SSUH2: variants seen among roughly 807,000 people sequenced by gnomAD.
SSUH2 encodes protein SSUH2 homolog.
SSUH2 carries 47 observed loss-of-function variants against 55.3 expected under a neutral mutation model. That is an observed-to-expected ratio of 0.85 (90% CI 0.67 to 1.08). The LOEUF is 1.08. Among genes scored for constraint, SSUH2 ranks in the 50% least tolerant of loss-of-function variants. SSUH2 has a pLI of 0.00. For missense variants in SSUH2, 535 were observed against 490.7 expected (o/e 1.09, Z -0.85); for synonymous variants, 212 against 191.5 (o/e 1.11, Z -0.89).
intron 5 of SSUH2, among the ~76,000 whole-genome samples, chr3:8,669,593 G>A (rs927033780): frequency 2.6e-5 from 4 of 152,182 alleles, no homozygotes; most frequent in African/African-American, 9.7e-5. Flanking sequence ...AACTTTGAGT[G>A]GGGAAAGCAG....
At chr3:8,640,068 G>A in intron 1 of SSUH2, 1 of 889,284 alleles carries the variant, frequency 1.1e-6, no homozygotes, top group Non-Finnish European at 1.3e-6. Context: ...GGTTGACAGG[G>A]GCTGTGGGGA....
chr3:8,619,917 T>C lies in SSUH2; in HGVS notation c.1079A>G (p.Tyr360Cys). Residue 360 changes from tyrosine to cysteine, a missense_variant, in exon 12 of 12, where the codon TAT becomes TGT. Physicochemically the swap from Tyr to Cys is radical, Grantham distance 194 (BLOSUM62 -2). Coordinates refer to ENST00000544814, the MANE Select transcript of SSUH2 (RefSeq NM_001256748.3). ...ATACCGCTCAGGATAGTCCACCGCA[T>C]ACACCTGGTGGTCAGTGCCATAGAT... ...YYIYGTDHQV[Y>C]AVDYPERYCC... 1.2e-6 allele frequency: 2 copies of C among 1,614,218 alleles called. No homozygotes were observed. Among genetic ancestry groups the C allele is most frequent in the Non-Finnish European group, 1.7e-6 (2 of 1,180,028 alleles).
Position 8,635,287 on chromosome 3 carries a change from A to C in SSUH2, c.209+13T>G, listed in dbSNP as rs1375265454. ...GAAATGCACACAGTCACAGAGTACA[A>C]CCTGAAACTCACCTGTGTTCCAGGA... is the stretch of plus-strand genomic sequence containing the variant. On this transcript the variant is annotated intron_variant, in intron 3 of 11. Transcript: ENST00000544814. 5.9e-6 allele frequency: 9 copies of C among 1,532,358 alleles called. No homozygotes were observed. The highest frequency in any genetic ancestry group is 2.0e-5 in the Admixed American group (1 of 50,802). The allele number at this position is 1,532,358 out of a possible 1,614,324, so 94.9% of individuals were successfully genotyped here.
At chr3:8,670,541 G>A (rs164954) in intron 5 of SSUH2, among the ~76,000 whole-genome samples, 65,903 of 151,694 alleles carry the variant, frequency 0.43, 15,754 homozygotes, top group African/African-American at 0.65. Context: ...CGTTGAATAC[G>A]TATGTCATAC....
Position 8,635,219 on chromosome 3 carries a change from G to A in SSUH2, c.209+81C>T, listed in dbSNP as rs990754283. ...GACGGCCCCCTCCAGGGATCCTGATGCACTGCCAGGGCTGAGATCCTCAAG... is the reference window on the plus strand; with the variant it reads ...GACGGCCCCCTCCAGGGATCCTGATACACTGCCAGGGCTGAGATCCTCAAG... On this transcript the variant is annotated intron_variant, in intron 3 of 11. Transcript: ENST00000544814. The A allele has an allele frequency of 7.4e-6, 9 of 1,219,030 alleles. No homozygotes were observed. The African/African-American group carries it at 1.4e-4, about 18-fold the overall frequency. The allele number at this position is 1,219,030 out of a possible 1,614,324, so 75.5% of individuals were successfully genotyped here.
At chr3:8,632,428 C>T (rs1484983125) in intron 4 of SSUH2, among the ~76,000 whole-genome samples, 1 of 152,230 alleles carries the variant, frequency 6.6e-6, no homozygotes, top group Non-Finnish European at 1.5e-5. Flanking sequence ...ATGGAGGTCC[C>T]TGGAATCTAT....
chr3:8,623,679 C>G, intron 10 of SSUH2, 23 bp from the exon 11 acceptor site: 2 of 1,297,882 alleles, frequency 1.5e-6, no homozygotes, highest in Non-Finnish European at 2.1e-6. Context: ...GAGAGAGACA[C>G]AGACCACCTG....
chr3:8,667,314 C>T (rs1189713680), intron 5 of SSUH2, among the ~76,000 whole-genome samples: 1 of 152,168 alleles, frequency 6.6e-6, no homozygotes, highest in African/African-American at 2.4e-5. Context: ...CATTCATAAA[C>T]TGTCATGGTG....
intron 11 of SSUH2, among the ~76,000 whole-genome samples, chr3:8,622,821 C>T (rs115185210): frequency 6.6e-6 from 1 of 152,106 alleles, no homozygotes; most frequent in Non-Finnish European, 1.5e-5. Context: ...GCTGCAAAAC[C>T]CTCTGAGGTG....
intron 7 of SSUH2, chr3:8,629,412 G>A: frequency 1.8e-6 from 1 of 548,806 alleles, no homozygotes; most frequent in Non-Finnish European, 3.2e-6. Flanking sequence ...TTCAGTGTAT[G>A]TTGGTAGATG....
Position 8,630,788 on chromosome 3 carries a change from C to T in SSUH2, c.525+17G>A, listed in dbSNP as rs770359388. The T allele has an allele frequency of 2.2e-6, 3 of 1,363,520 alleles. No homozygotes were observed. The highest frequency in any genetic ancestry group is 1.5e-5 in the African/African-American group (1 of 67,022). The allele number at this position is 1,363,520 out of a possible 1,614,324, so 84.5% of individuals were successfully genotyped here. ...GGAGAAGGGCAAGTATTCCAGTAAT[C>T]GCGTTAATCGTATTACCTTGACCAG... On this transcript the variant is annotated intron_variant, in intron 6 of 11. Transcript: ENST00000544814.
At chr3:8,679,652 TC>T (rs1040836362) in intron 2 of SSUH2, 18 of 199,920 alleles carry the variant, frequency 9.0e-5, no homozygotes, top group South Asian at 2.0e-4. Flanking sequence ...CAGTGCCTCT[TC>T]CCCCCCTGGC....
intron 5 of SSUH2, among the ~76,000 whole-genome samples, chr3:8,665,351 T>C (rs928797081): frequency 2.0e-5 from 3 of 152,072 alleles, no homozygotes; most frequent in African/African-American, 7.2e-5. Flanking sequence ...GGACCCTCGG[T>C]CATCTTTTAA....
rs1269170222 is a variant in SSUH2 at position 8,681,669 on chromosome 3, T to C, written c.-1046+222A>G. On this transcript the variant is annotated intron_variant, in intron 1 of 18. Transcript: ENST00000317371. ...CCCCCCGTGCGATGGGGACTGAAAG[T>C]CAGCCCCTCTTCCCCCCGGCTCTTA... is the stretch of plus-strand genomic sequence containing the variant. Among the ~76,000 whole-genome samples the C allele has an allele frequency of 4.7e-4, 62 of 130,732 alleles. 2 individuals are homozygous for C. Among genetic ancestry groups the C allele is most frequent in the Middle Eastern group, 0.011 (2 of 180 alleles). 85.8% of individuals were successfully genotyped at this position (130,732 alleles called of 152,430 possible).
chr3:8,641,596 G>A (rs951331514), intron 1 of SSUH2, among the ~76,000 whole-genome samples: 11 of 152,160 alleles, frequency 7.2e-5, no homozygotes, highest in East Asian at 1.9e-4. Context: ...AGGGGCTACC[G>A]GAACCACTAT....
chr3:8,657,002 T>C (rs1347181238), intron 7 of SSUH2, among the ~76,000 whole-genome samples: 1 of 152,184 alleles, frequency 6.6e-6, no homozygotes, highest in African/African-American at 2.4e-5. Flanking sequence ...TGCCTCAGCC[T>C]CCTGAGTAGC....
At chr3:8,636,579 G>A (rs1699961720) in intron 1 of SSUH2, among the ~76,000 whole-genome samples, 1 of 151,996 alleles carries the variant, frequency 6.6e-6, no homozygotes. Context: ...TTGTTATGCA[G>A]CTTCCTCCAG....
In SSUH2 at chr3:8,644,721, C is replaced by T; in HGVS notation, c.28+10G>A. On this transcript the variant is annotated intron_variant, in intron 1 of 11. Transcript: ENST00000544814. ...ACAGTCTTCCGTGCCATCTTTGAGG[C>T]TCTACTTACTGTCATCTTCATTCAG... The T allele has an allele frequency of 1.3e-6, 2 of 1,535,798 alleles. No individual in the cohort carries two copies. Among genetic ancestry groups the T allele is most frequent in the Non-Finnish European group, 1.7e-6 (2 of 1,146,622 alleles).
intron 7 of SSUH2, among the ~76,000 whole-genome samples, chr3:8,651,308 G>A (rs1702375463): frequency 6.6e-6 from 1 of 152,218 alleles, no homozygotes; most frequent in Non-Finnish European, 1.5e-5. Flanking sequence ...AAGCGGGGAG[G>A]CAAGTGAGGG....
Sources: gnomAD v4.1 joint callset for allele counts (sites outside exome capture counted in the v4.1 genomes callset) on GRCh38, gnomAD v4.1.1 for gene constraint, MANE v1.5 for transcripts, NCBI Gene and HGNC (gene_info 2026-07-23, HGNC 2026-07-21) for gene names.